The following SCAND3 variants were observed in gnomAD, a reference collection of about 807,000 sequenced individuals.
SCAND3 encodes SCAN domain-containing protein 3.
the SCAND3 span, chr6:28,575,988 A>G: frequency 6.2e-7 from 1 of 1,613,636 alleles, no homozygotes; most frequent in Middle Eastern, 1.7e-4. The surrounding 1 kb of genome is among the most constrained non-coding windows in gnomAD (Gnocchi z 4.2). Context: ...TCTTAGTATT[A>G]TTACTTTTGT....
chr6:28,572,357 TA>T, the SCAND3 span: 1 of 1,608,600 alleles, frequency 6.2e-7, no homozygotes, highest in South Asian at 1.1e-5. This position sits in a 1 kb window ranked among gnomAD's most constrained non-coding sequence, Gnocchi z 4.1. Flanking sequence ...TGTTCACTGA[TA>T]ACTTTTCGCA....
chr6:28,570,666 C>T, the SCAND3 span: 2 of 152,168 alleles, frequency 1.3e-5, no homozygotes, highest in African/African-American at 4.8e-5. Context: ...GCCTTCCTTT[C>T]CTTAACTTTG....
chr6:28,615,582 CAGAG>C, the SCAND3 span, among the ~76,000 whole-genome samples: 30 of 124,012 alleles, frequency 2.4e-4, no homozygotes, highest in Admixed American at 8.0e-4. Flanking sequence ...GCCTAGGCAA[CAGAG>C]AGAGACTCCA....
chr6:28,578,819 TATAC>T, the SCAND3 span, among the ~76,000 whole-genome samples: 1 of 152,212 alleles, frequency 6.6e-6, no homozygotes. Flanking sequence ...CCACCTCTAC[TATAC>T]ATTATACCAA....
chr6:28,579,631 A>G, the SCAND3 span, among the ~76,000 whole-genome samples: 1 of 152,262 alleles, frequency 6.6e-6, no homozygotes, highest in Non-Finnish European at 1.5e-5. The surrounding 1 kb of genome is among the most constrained non-coding windows in gnomAD (Gnocchi z 4.5). Context: ...ATAGGACAGG[A>G]GTTAAAACGC....
At chr6:28,573,009 C>A in the SCAND3 span, 1 of 1,613,366 alleles carries the variant, frequency 6.2e-7, no homozygotes, top group African/African-American at 1.3e-5. Flanking sequence ...ATTTAAATTC[C>A]AAACCACATT....
chr6:28,576,448 TG>T, the SCAND3 span, among the ~76,000 whole-genome samples: 1 of 152,012 alleles, frequency 6.6e-6, no homozygotes, highest in Non-Finnish European at 1.5e-5. Context: ...TTAGTAGAGA[TG>T]GGGTTTCACC....
chr6:28,601,770 C>T, the SCAND3 span, among the ~76,000 whole-genome samples: 13 of 152,320 alleles, frequency 8.5e-5, no homozygotes, highest in African/African-American at 2.6e-4. Flanking sequence ...CCGCCCACCT[C>T]GGCCTCCCAA....
the SCAND3 span, among the ~76,000 whole-genome samples, chr6:28,592,115 G>GA: frequency 6.6e-6 from 1 of 152,070 alleles, no homozygotes; most frequent in Non-Finnish European, 1.5e-5. The surrounding 1 kb of genome is among the most constrained non-coding windows in gnomAD (Gnocchi z 4.1). Flanking sequence ...TTAGATAAGA[G>GA]AAAGACATAA....
At chr6:28,586,580 A>G in the SCAND3 span, 1 of 1,614,226 alleles carries the variant, frequency 6.2e-7, no homozygotes, top group South Asian at 1.1e-5. The surrounding 1 kb of genome is among the most constrained non-coding windows in gnomAD (Gnocchi z 4.4). Flanking sequence ...GTTCCCTGGT[A>G]TAAGACAAAT....
the SCAND3 span, among the ~76,000 whole-genome samples, chr6:28,597,536 C>A: frequency 2.0e-5 from 3 of 152,196 alleles, no homozygotes; most frequent in African/African-American, 7.2e-5. Flanking sequence ...CAACCACACC[C>A]AGAATCGGGT....
At chr6:28,590,551 A>G in the SCAND3 span, 1 of 152,254 alleles carries the variant, frequency 6.6e-6, no homozygotes, top group Non-Finnish European at 1.5e-5. Context: ...CCTAGAGGAC[A>G]GAGAGGACAA....
chr6:28,610,050 G>A, the SCAND3 span, among the ~76,000 whole-genome samples: 1 of 151,800 alleles, frequency 6.6e-6, no homozygotes. Context: ...AGGGTGCAAC[G>A]CCGTCTTTAC....
At chr6:28,605,152 C>T in the SCAND3 span, among the ~76,000 whole-genome samples, 1 of 152,212 alleles carries the variant, frequency 6.6e-6, no homozygotes, top group Admixed American at 6.5e-5. Context: ...TCCAAGTTGG[C>T]TTCCAGCAGT....
At chr6:28,609,079 C>T in the SCAND3 span, among the ~76,000 whole-genome samples, 2 of 152,154 alleles carry the variant, frequency 1.3e-5, no homozygotes, top group East Asian at 1.9e-4. Context: ...GGATCAAATA[C>T]ATTTAAATTG....
chr6:28,603,014 G>C, the SCAND3 span, among the ~76,000 whole-genome samples: 1 of 141,186 alleles, frequency 7.1e-6, no homozygotes, highest in Non-Finnish European at 1.5e-5. Flanking sequence ...CCAGGCTGGA[G>C]TGCAGTGGCG....
chr6:28,574,601 G>T, the SCAND3 span: 1 of 1,527,372 alleles, frequency 6.5e-7, no homozygotes, highest in Non-Finnish European at 9.0e-7. Context: ...ACTGTAATGA[G>T]ATTCTTCCCC....
the SCAND3 span, among the ~76,000 whole-genome samples, chr6:28,609,188 A>C: frequency 6.6e-6 from 1 of 152,242 alleles, no homozygotes; most frequent in Admixed American, 6.5e-5. Flanking sequence ...AAGTAATTAA[A>C]GGATTAACTA....
chr6:28,573,456 G>T, the SCAND3 span: 1 of 1,614,112 alleles, frequency 6.2e-7, no homozygotes, highest in Non-Finnish European at 8.5e-7. Context: ...TATGAGAAAC[G>T]TTGAACACCT....
Sources: gnomAD v4.1 joint callset for allele counts (sites outside exome capture counted in the v4.1 genomes callset) on GRCh38, gnomAD v4.1.1 for gene constraint, Gnocchi (gnomAD v3.1) non-coding constraint, MANE v1.5 for transcripts, NCBI Gene and HGNC (gene_info 2026-07-23, HGNC 2026-07-21) for gene names.